The following GMCL1 variants were observed in gnomAD, a reference collection of about 807,000 sequenced individuals.
GMCL1 encodes germ cell-less 1, spermatogenesis associated.
In GMCL1, 54 loss-of-function variants were observed where a neutral mutation model predicts 75.5. The ratio of observed to expected loss-of-function variants is 0.71; its 90% CI spans 0.57 to 0.90. GMCL1 has a LOEUF of 0.90. Among genes scored for constraint, GMCL1 ranks in the 40% least tolerant of loss-of-function variants. The probability of loss-of-function intolerance (pLI) is 0.00; values close to 1 mark genes in which losing one functional copy is unlikely to be tolerated. For missense variants in GMCL1, 537 were observed against 622.7 expected, an observed-to-expected ratio of 0.86 and a Z score of 1.47; for synonymous variants, 210 against 209.6, an observed-to-expected ratio of 1.00 and a Z score of -0.02.
chr2:69,857,583 A>G (rs1675511556), intron 9 of GMCL1, among the ~76,000 whole-genome samples: 1 of 152,246 alleles, frequency 6.6e-6, no homozygotes, highest in African/African-American at 2.4e-5. Context: ...TAATAAACTC[A>G]GAAAATAGCT....
rs139734281 is a variant in GMCL1 at position 69,877,141 on chromosome 2, A to G, written c.1453-1768A>G. On this transcript the variant is annotated intron_variant, in intron 13 of 13. Coordinates refer to ENST00000282570, the MANE Select transcript of GMCL1 (RefSeq NM_178439.5). ...CCACAGATTCCATCCACAATGGAAT[A>G]AGGAAAATAGAACTTTGCTATAAAG... Among the ~76,000 whole-genome samples, 393 of 152,370 alleles carry G rather than the reference A, an allele frequency of 2.6e-3. 2 individuals carry two copies. Among genetic ancestry groups the G allele is most frequent in the African/African-American group, 9.1e-3 (378 of 41,584 alleles).
At position 69,880,864 on chromosome 2, in the gene GMCL1, AAAAAG is replaced by A. The variant is rs1676258835; in HGVS notation, c.*1862_*1866del. The A allele has an allele frequency of 3.3e-5, 5 of 152,070 alleles. No individual in the cohort carries two copies. Among genetic ancestry groups the A allele is most frequent in the Admixed American group, 2.0e-4 (3 of 15,282 alleles). The allele number at this position is 152,070 out of a possible 1,614,324, so 9.4% of individuals were successfully genotyped here. On this transcript the variant is annotated 3_prime_UTR_variant, in exon 14 of 14. Transcript: ENST00000282570. ...CTCCGTCTCAAAAAAAAAAAAAAAAAAAAAGAGGCTACTGTACTTATTTTTATATT... is the reference window on the plus strand; with the variant it reads ...CTCCGTCTCAAAAAAAAAAAAAAAAAAGGCTACTGTACTTATTTTTATATT...
intron 4 of GMCL1, among the ~76,000 whole-genome samples, chr2:69,841,675 A>G (rs750393219): frequency 8.5e-5 from 13 of 152,232 alleles, no homozygotes; most frequent in Admixed American, 2.0e-4. Flanking sequence ...TATTATAGGT[A>G]TGATAATAAA....
rs781000060 is a variant in GMCL1, at chr2:69,844,201, T to G, written c.758+5T>G. On this transcript the variant is annotated splice_donor_5th_base_variant and intron_variant, in intron 6 of 13. Coordinates refer to ENST00000282570, the MANE Select transcript of GMCL1 (RefSeq NM_178439.5). ...TGAACTTTTTAAAGAACTCAGGTATTTGAATTTCAAGTAACTTCATAATTA... is the reference window on the plus strand; with the variant it reads ...TGAACTTTTTAAAGAACTCAGGTATGTGAATTTCAAGTAACTTCATAATTA... 2 of 1,510,992 alleles carry G rather than the reference T, an allele frequency of 1.3e-6. No individual in the cohort carries two copies. The highest frequency in any genetic ancestry group is 1.4e-5 in the African/African-American group (1 of 71,478). The allele number at this position is 1,510,992 out of a possible 1,614,324, so 93.6% of individuals were successfully genotyped here. A position where few individuals can be genotyped will look rare whatever the true frequency, so the allele number is the denominator to read the frequency against.
At chr2:69,854,790 G>T (rs1265461192) in intron 8 of GMCL1, 33 bp from the exon 9 acceptor site, 1 of 1,584,514 alleles carries the variant, frequency 6.3e-7, no homozygotes, top group Non-Finnish European at 8.6e-7. Flanking sequence ...GGTTTGAAAA[G>T]AATGGCTGTT....
At chr2:69,860,717 T>G (rs1675614960) in intron 9 of GMCL1, among the ~76,000 whole-genome samples, 1 of 152,240 alleles carries the variant, frequency 6.6e-6, no homozygotes, top group African/African-American at 2.4e-5. Context: ...ATGTATGCAA[T>G]GTAATAAGTA....
rs1558541290 is a variant in GMCL1, at chr2:69,847,620, TA to T, written c.842del (p.Lys281SerfsTer15). Reference protein sequence around the residue: ...MQVEMDIYTALKKWMFLQLVP... With the variant: ...MQVEMDIYTAXKKWMFLQLVP... ...GTGGAGATGGATATATACACTGCTC[TA>T]AAAAAGGTACTGACGTAATATGATG... On this transcript the variant is annotated frameshift_variant, in exon 7 of 14. Transcript: ENST00000282570. LOFTEE classifies it high-confidence loss of function. 2.5e-6 allele frequency: 4 copies of T among 1,591,736 alleles called. No homozygotes were observed. Among genetic ancestry groups the T allele is most frequent in the African/African-American group, 1.3e-5 (1 of 74,562 alleles).
intron 8 of GMCL1, among the ~76,000 whole-genome samples, chr2:69,849,947 G>C (rs879338655): frequency 1.3e-5 from 2 of 152,116 alleles, no homozygotes; most frequent in African/African-American, 2.4e-5. Flanking sequence ...GGCTAGATAA[G>C]AAAAATACCT....
At chr2:69,840,768 T>C (rs921312138) in intron 3 of GMCL1, among the ~76,000 whole-genome samples, 174 bp from the exon 4 acceptor site, 1 of 152,264 alleles carries the variant, frequency 6.6e-6, no homozygotes, top group African/African-American at 2.4e-5. Context: ...ATTAACAGTG[T>C]CAACCAGTAA....
At chr2:69,837,959 A>G (rs1674867378) in intron 2 of GMCL1, among the ~76,000 whole-genome samples, 1 of 152,160 alleles carries the variant, frequency 6.6e-6, no homozygotes, top group Non-Finnish European at 1.5e-5. Flanking sequence ...AAAGTTGGGG[A>G]AAAAATATTT....
intron 12 of GMCL1, among the ~76,000 whole-genome samples, chr2:69,871,002 G>C (rs989827447): frequency 1.3e-5 from 2 of 152,190 alleles, no homozygotes; most frequent in Non-Finnish European, 2.9e-5. Context: ...ATTACCATAT[G>C]ATCCAGCAGT....
chr2:69,865,431 T>G (rs1675783650), intron 11 of GMCL1, among the ~76,000 whole-genome samples: 1 of 152,124 alleles, frequency 6.6e-6, no homozygotes, highest in African/African-American at 2.4e-5. Flanking sequence ...GCGGATCACT[T>G]GAGGCCAGGA....
chr2:69,838,097 T>C (rs1183466016), intron 2 of GMCL1, among the ~76,000 whole-genome samples: 1 of 151,992 alleles, frequency 6.6e-6, no homozygotes, highest in Non-Finnish European at 1.5e-5. Flanking sequence ...AAAATGCAGG[T>C]AAAGACAACA....
chr2:69,842,584 ATTC>A (rs2103961157), intron 4 of GMCL1: 1 of 152,338 alleles, frequency 6.6e-6, no homozygotes, highest in African/African-American at 2.4e-5. Flanking sequence ...GAAAAGTAGT[ATTC>A]TTCCCATATA....
At position 69,879,379 on chromosome 2, in the gene GMCL1, TGTTAGTGGACCTCA is replaced by T. The variant is rs1288585223; in HGVS notation, c.*380_*393del. 6.4e-6 allele frequency: 1 copy of T among 156,758 alleles called. No individual in the cohort carries two copies. The highest frequency in any genetic ancestry group is 1.4e-5 in the Non-Finnish European group (1 of 70,970). 9.7% of individuals were successfully genotyped at this position (156,758 alleles called of 1,614,324 possible). A position where few individuals can be genotyped will look rare whatever the true frequency, so the allele number is the denominator to read the frequency against. On this transcript the variant is annotated 3_prime_UTR_variant, in exon 14 of 14. Transcript: ENST00000282570. ...TAGCTTAAACTTTGTTTCTACCTTATGTTAGTGGACCTCAGTTATCCATCTGTAAATTTCTTTTT... is the reference window on the plus strand; with the variant it reads ...TAGCTTAAACTTTGTTTCTACCTTATGTTATCCATCTGTAAATTTCTTTTT...
At chr2:69,849,041 A>G (rs537923367) in intron 7 of GMCL1, among the ~76,000 whole-genome samples, 292 of 152,302 alleles carry the variant, frequency 1.9e-3, no homozygotes, top group African/African-American at 6.8e-3. Context: ...AAAATTTCTA[A>G]TTAATATACA....
intron 11 of GMCL1, 77 bp downstream of exon 11, chr2:69,865,052 C>A: frequency 1.9e-6 from 2 of 1,053,630 alleles, no homozygotes; most frequent in South Asian, 1.3e-5. Flanking sequence ...AAGTAGTAAT[C>A]ATGACACCTG....
intron 4 of GMCL1, among the ~76,000 whole-genome samples, chr2:69,842,024 G>A (rs1675002741): frequency 6.6e-6 from 1 of 152,188 alleles, no homozygotes; most frequent in African/African-American, 2.4e-5. Context: ...ATTTTAATCA[G>A]GGGAAAGACG....
At chr2:69,871,917 A>G in intron 13 of GMCL1, 85 bp downstream of exon 13, 1 of 860,384 alleles carries the variant, frequency 1.2e-6, no homozygotes, top group East Asian at 2.6e-5. Context: ...AATTAACATT[A>G]AAGTGATGGC....
Sources: allele counts gnomAD v4.1 joint callset (sites outside exome capture counted in the v4.1 genomes callset), GRCh38; gene constraint gnomAD v4.1.1; transcripts MANE v1.5; gene names NCBI Gene and HGNC (gene_info 2026-07-23, HGNC 2026-07-21).